The following FAM13B variants were observed in gnomAD, a reference collection of about 807,000 sequenced individuals.
The protein encoded by FAM13B is protein FAM13B.
In FAM13B, 60 loss-of-function variants were observed where a neutral mutation model predicts 117.3. The ratio of observed to expected loss-of-function variants is 0.51; its 90% confidence interval spans 0.42 to 0.63. FAM13B has a LOEUF of 0.63. Ranked by LOEUF, FAM13B falls within the 30% of genes least tolerant of loss-of-function variation. The pLI is 0.00. For synonymous variants in FAM13B, 332 were observed against 356.1 expected, an observed-to-expected ratio of 0.93 and a Z score of 0.76; for missense variants, 972 against 1,091.9, an observed-to-expected ratio of 0.89 and a Z score of 1.55.
At chr5:137,992,195 A>G (rs780447223) in intron 7 of FAM13B, among the ~76,000 whole-genome samples, 1 of 152,032 alleles carries the variant, frequency 6.6e-6, no homozygotes, top group African/African-American at 2.4e-5. Context: ...TACAGGTGTG[A>G]GCCATCGTGC....
chr5:137,953,509 C>T lies in FAM13B; in HGVS notation c.1719-44G>A, dbSNP rs909122693. On this transcript the variant is annotated intron_variant, in intron 15 of 23. Transcript: ENST00000689681. ...CCAACACTGTTAAATTTTCAAGTAC[C>T]AACACTGTATCTCTTATTGCCCTGA... The T allele has an allele frequency of 5.0e-6, 8 of 1,600,054 alleles. No homozygotes were observed. In the African/African-American group the frequency reaches 1.1e-4, roughly 22 times the overall value.
chr5:137,987,328 T>C, intron 9 of FAM13B, 133 bp downstream of exon 9: 1 of 737,634 alleles, frequency 1.4e-6, no homozygotes, highest in Non-Finnish European at 2.2e-6. Context: ...CAAGTATATA[T>C]ACAAAGTCAC....
chr5:137,940,325 A>C lies in FAM13B; in HGVS notation c.2714T>G (p.Val905Gly). Residue 905 changes from valine to glycine, a missense_variant, in exon 24 of 24, where the codon GTT becomes GGT. Val to Gly is a moderately radical substitution (Grantham distance 109). Transcript: ENST00000689681. ...CTCTCTGTACTCCTCAAGCACTGGA[A>C]CACGATCCTCTTTCTGGGCATTCCT... The part of the protein sequence containing the change: ...NGRNAQKEDR[V>G]PVLEEYREYK... 1.9e-6 allele frequency: 3 copies of C among 1,606,424 alleles called. No individual in the cohort carries two copies. The highest frequency in any genetic ancestry group is 2.6e-6 in the Non-Finnish European group (3 of 1,174,676).
At position 138,019,193 on chromosome 5, in the gene FAM13B, G is replaced by A; in HGVS notation, c.-35-47C>T. ...AAAAAGACTATAATGATTAACAGGT[G>A]GCAATATGACTAGATACATTAAAGA... On this transcript the variant is annotated intron_variant, in intron 2 of 23. Coordinates refer to ENST00000689681, the MANE Select transcript of FAM13B (RefSeq NM_001385994.1). 5 of 1,529,708 alleles carry A rather than the reference G, an allele frequency of 3.3e-6. No homozygotes were observed. In the South Asian group the frequency reaches 3.7e-5, roughly 11 times the overall value. The allele number at this position is 1,529,708 out of a possible 1,614,324, so 94.8% of individuals were successfully genotyped here. A position where few individuals can be genotyped will look rare whatever the true frequency, so the allele number is the denominator to read the frequency against.
Position 137,954,298 on chromosome 5 carries a change from A to G in FAM13B, c.1586T>C (p.Met529Thr), listed in dbSNP as rs1208226896. Residue 529 changes from methionine to threonine, a missense_variant, in exon 15 of 24, where the codon ATG (methionine) becomes ACG (threonine). Coordinates refer to ENST00000689681, the MANE Select transcript of FAM13B (RefSeq NM_001385994.1). ...EAQLSPQAGRMNHHPLEEDCP... is the reference protein window; with the variant it reads ...EAQLSPQAGRTNHHPLEEDCP... ...GTCCTCTTCCAAGGGGTGATGATTC[A>G]TTCTTCCAGCTTGTGGAGACAGCTG... 1.2e-6 allele frequency: 2 copies of G among 1,613,946 alleles called. No individual in the cohort carries two copies. The highest frequency in any genetic ancestry group is 2.2e-5 in the East Asian group (1 of 44,872).
intron 10 of FAM13B, among the ~76,000 whole-genome samples, chr5:137,976,565 C>A (rs756208476): frequency 6.6e-6 from 1 of 152,108 alleles, no homozygotes; most frequent in Non-Finnish European, 1.5e-5. Flanking sequence ...GTCAGGGACC[C>A]CGAATGGAGG....
chr5:138,001,292 A>G (rs952243072), intron 7 of FAM13B, among the ~76,000 whole-genome samples: 1 of 152,224 alleles, frequency 6.6e-6, no homozygotes, highest in African/African-American at 2.4e-5. Context: ...TGACATGTTA[A>G]TTACGAAAAG....
chr5:137,988,473 G>A (rs1379990789), intron 7 of FAM13B, among the ~76,000 whole-genome samples, 158 bp from the exon 8 acceptor site: 1 of 152,178 alleles, frequency 6.6e-6, no homozygotes, highest in Non-Finnish European at 1.5e-5. Context: ...AATATTTTCT[G>A]AATCTGGTTG....
chr5:137,962,075 A>C (rs1561753042), intron 11 of FAM13B, among the ~76,000 whole-genome samples: 1 of 152,228 alleles, frequency 6.6e-6, no homozygotes, highest in South Asian at 2.1e-4. Context: ...CACAGTTACA[A>C]GATCATGAAT....
intron 10 of FAM13B, among the ~76,000 whole-genome samples, chr5:137,976,037 G>A (rs986781516): frequency 1.3e-4 from 18 of 142,152 alleles, no homozygotes; most frequent in East Asian, 1.2e-3. Flanking sequence ...GTGCAGTGGC[G>A]CGATCTCCGC....
rs548046167 is a variant in FAM13B, at chr5:138,051,028, G to A, written c.-203+850C>T. ...GCATATGTAGCATATTAGTGGGGGGGGGAGAATGAAAAGCAAAACTCTCAC... is the reference window on the plus strand; with the variant it reads ...GCATATGTAGCATATTAGTGGGGGGAGGAGAATGAAAAGCAAAACTCTCAC... On this transcript the variant is annotated intron_variant, in intron 1 of 3. Transcript: ENST00000502471. Among the ~76,000 whole-genome samples, 9 of 152,046 alleles carry A rather than the reference G, an allele frequency of 5.9e-5. No homozygotes were observed. The South Asian group carries it at 1.2e-3, about 21-fold the overall frequency.
Position 137,940,136 on chromosome 5 carries a change from A to G in FAM13B, c.*89T>C. Reference sequence around the variant, plus strand: ...AATGAGATTCTCTGAGTGCCTGACAAAACGAATTTAAGTACCAGCCAAGTA... The same window carrying G: ...AATGAGATTCTCTGAGTGCCTGACAGAACGAATTTAAGTACCAGCCAAGTA... On this transcript the variant is annotated 3_prime_UTR_variant, in exon 24 of 24. Coordinates refer to ENST00000689681, the MANE Select transcript of FAM13B (RefSeq NM_001385994.1). 6.2e-7 allele frequency: 1 copy of G among 1,614,090 alleles called. No individual in the cohort carries two copies. Among genetic ancestry groups the G allele is most frequent in the Non-Finnish European group, 8.5e-7 (1 of 1,179,938 alleles).
Position 137,948,945 on chromosome 5 carries a change from T to C in FAM13B, c.2160+10A>G, listed in dbSNP as rs1268889510. 1 of 1,605,522 alleles carries C rather than the reference T, an allele frequency of 6.2e-7. No homozygotes were observed. Among genetic ancestry groups the C allele is most frequent in the African/African-American group, 1.3e-5 (1 of 74,592 alleles). ...GGCTAATCTGGGCAAAAATCATAGC[T>C]CAAGATTACCTTGATATCTTCTGGA... On this transcript the variant is annotated intron_variant, in intron 18 of 23. Transcript: ENST00000689681.
chr5:138,048,478 G>A (rs1056564444), intron 1 of FAM13B, among the ~76,000 whole-genome samples: 1 of 152,132 alleles, frequency 6.6e-6, no homozygotes, highest in Non-Finnish European at 1.5e-5. Context: ...AAAAAGAATT[G>A]TTTTCTGAGC....
At chr5:138,046,527 TTCTG>T (rs558610095) in intron 1 of FAM13B, among the ~76,000 whole-genome samples, 42 of 152,356 alleles carry the variant, frequency 2.8e-4, no homozygotes, top group African/African-American at 8.7e-4. Context: ...CATTTCTGTT[TTCTG>T]TCTTTCTTGT....
intron 7 of FAM13B, among the ~76,000 whole-genome samples, chr5:137,988,570 T>C (rs1210715684): frequency 6.6e-6 from 1 of 152,228 alleles, no homozygotes. Flanking sequence ...TAGAATTCAT[T>C]ATGAGCTAGG....
At chr5:137,964,161 G>A (rs942942197) in intron 10 of FAM13B, among the ~76,000 whole-genome samples, 3 of 152,238 alleles carry the variant, frequency 2.0e-5, no homozygotes, top group African/African-American at 4.8e-5. Context: ...GGGTTCAAGC[G>A]ATTCTCCTGC....
intron 7 of FAM13B, among the ~76,000 whole-genome samples, chr5:138,006,088 G>C (rs567257842): frequency 1.3e-5 from 2 of 151,842 alleles, no homozygotes; most frequent in Non-Finnish European, 2.9e-5. Context: ...TAGTAGAGAC[G>C]GGGTTTCACC....
intron 1 of FAM13B, among the ~76,000 whole-genome samples, chr5:138,027,484 T>C (rs9790993): frequency 0.74 from 112,113 of 152,078 alleles, 41,994 homozygotes; most frequent in East Asian, 0.97. Context: ...TCTTACTAGC[T>C]GGGGCTCCAA....
Sources: allele counts gnomAD v4.1 joint callset (sites outside exome capture counted in the v4.1 genomes callset), GRCh38; gene constraint gnomAD v4.1.1; transcripts MANE v1.5; gene names NCBI Gene and HGNC (gene_info 2026-07-23, HGNC 2026-07-21).